MAP1B: variants seen among roughly 807,000 people sequenced by gnomAD.
MAP1B encodes the protein microtubule-associated protein 1B.
In MAP1B, 12 loss-of-function variants were observed where a neutral mutation model predicts 176.1. The ratio of observed to expected loss-of-function variants is 0.07; its 90% CI spans 0.04 to 0.11. MAP1B has a LOEUF of 0.11. MAP1B is among the 10% of genes least tolerant of loss of function. MAP1B has a pLI of 1.00. For missense variants in MAP1B, 2,523 were observed against 2,990.5 expected (o/e 0.84, Z 3.65); for synonymous variants, 1,044 against 1,135.0 (o/e 0.92, Z 1.61).
chr5:72,112,389 A>G (rs1378998332), intron 1 of MAP1B, among the ~76,000 whole-genome samples: 2 of 152,194 alleles, frequency 1.3e-5, no homozygotes, highest in Middle Eastern at 3.2e-3. Context: ...CAACCCTGCA[A>G]AATGCTTACA....
chr5:72,166,729 A>C (rs1300787874), intron 2 of MAP1B, among the ~76,000 whole-genome samples: 2 of 152,202 alleles, frequency 1.3e-5, no homozygotes, highest in African/African-American at 4.8e-5. Flanking sequence ...AGGGAAATGC[A>C]AGCCCCAGGC....
intron 2 of MAP1B, among the ~76,000 whole-genome samples, chr5:72,147,153 G>C (rs1746061508): frequency 6.6e-6 from 1 of 151,976 alleles, no homozygotes; most frequent in South Asian, 2.1e-4. Flanking sequence ...ATTTTTAGTA[G>C]AGACAAGGTT....
rs1323922197 is a variant in MAP1B, at chr5:72,198,662, A to T, written c.5307A>T (p.Lys1769Asn). The part of the protein sequence containing the change: ...MSLYASLTSE[K>N]VQSLEGEKLS... ...TATATGCCTCACTCACCTCTGAAAA[A>T]GTGCAAAGTCTGGAAGGAGAGAAGC... is the stretch of plus-strand genomic sequence containing the variant. The change falls in exon 5 of 7, where the codon AAA becomes AAT. Residue 1769 changes from lysine to asparagine, a missense_variant. This residue lies in a region of MAP1B where 1,925 missense variants were observed against 2,126.0 expected (regional missense o/e 0.91). Transcript: ENST00000296755. 1 of 1,614,164 alleles carries T rather than the reference A, an allele frequency of 6.2e-7. No homozygotes were observed. Among genetic ancestry groups the T allele is most frequent in the Non-Finnish European group, 8.5e-7 (1 of 1,180,034 alleles).
intron 2 of MAP1B, among the ~76,000 whole-genome samples, chr5:72,128,458 G>GA (rs1005183542): frequency 1.3e-5 from 2 of 150,866 alleles, no homozygotes; most frequent in Non-Finnish European, 3.0e-5. Flanking sequence ...AAGAAAGTGT[G>GA]AAAAAAGAGA....
chr5:72,205,349 T>A lies in MAP1B; in HGVS notation c.*110T>A. On this transcript the variant is annotated 3_prime_UTR_variant, in exon 7 of 7. Coordinates refer to ENST00000296755, the MANE Select transcript of MAP1B (RefSeq NM_005909.5). The stretch of plus-strand genomic sequence containing the variant: ...TCATCTAGTTAAGTCGCTGAACAAT[T>A]ACCTGCCAAATGCTATACTGTGTCA... 1.8e-6 allele frequency: 2 copies of A among 1,101,928 alleles called. No homozygotes were observed. Among genetic ancestry groups the A allele is most frequent in the Non-Finnish European group, 2.6e-6 (2 of 760,242 alleles). The allele number at this position is 1,101,928 out of a possible 1,614,324, so 68.3% of individuals were successfully genotyped here.
intron 2 of MAP1B, among the ~76,000 whole-genome samples, chr5:72,123,878 G>GC (rs1745575373): frequency 6.6e-6 from 1 of 152,100 alleles, no homozygotes; most frequent in African/African-American, 2.4e-5. Context: ...CGATCCTCCT[G>GC]CCCCCACTTC....
At chr5:72,193,182 C>A in intron 4 of MAP1B, 2 of 331,470 alleles carry the variant, frequency 6.0e-6, no homozygotes, top group Non-Finnish European at 1.2e-5. Context: ...GCACTGATGC[C>A]AGAAACCAGT....
intron 2 of MAP1B, among the ~76,000 whole-genome samples, chr5:72,156,657 CT>C (rs1561300770): frequency 6.6e-6 from 1 of 152,186 alleles, no homozygotes; most frequent in African/African-American, 2.4e-5. Context: ...CAGAGCAACC[CT>C]GAGATAAGAA....
In MAP1B at chr5:72,197,422, C is replaced by T. The variant is rs1355620125; in HGVS notation, c.4067C>T (p.Pro1356Leu). ...SHLPTEVIEK[P>L]PAVPVSFEFS... The stretch of plus-strand genomic sequence containing the variant: ...CTCCCTACAGAAGTCATTGAAAAAC[C>T]ACCAGCAGTTCCAGTGAGTTTTGAA... Residue 1356 changes from proline to leucine, a missense_variant, in exon 5 of 7, where the codon CCA (proline) becomes CTA (leucine). Pro to Leu is a moderately conservative substitution (Grantham distance 98, BLOSUM62 -3). Around this residue, in one of 4 missense-constraint regions of MAP1B, gnomAD observed 1,925 missense variants for 2,126.0 expected, o/e 0.91. Coordinates refer to ENST00000296755, the MANE Select transcript of MAP1B (RefSeq NM_005909.5). 6 of 1,614,154 alleles carry T rather than the reference C, an allele frequency of 3.7e-6. No individual in the cohort carries two copies. The highest frequency in any genetic ancestry group is 4.2e-6 in the Non-Finnish European group (5 of 1,180,028).
rs560267156 is a variant in MAP1B, at chr5:72,206,791, A to G, written c.*1552A>G. The G allele has an allele frequency of 6.6e-6, 1 of 152,236 alleles. No individual in the cohort carries two copies. The highest frequency in any genetic ancestry group is 1.9e-4 in the East Asian group (1 of 5,184). The allele number at this position is 152,236 out of a possible 1,614,324, so 9.4% of individuals were successfully genotyped here. ...GTCTGATATTGCAGTAATGATATTT[A>G]TTAAAAACCCATAACTACCAGGAAT... On this transcript the variant is annotated 3_prime_UTR_variant, in exon 7 of 7. Transcript: ENST00000296755.
intron 2 of MAP1B, chr5:72,180,004 G>T: frequency 1.1e-6 from 1 of 874,410 alleles, no homozygotes; most frequent in Non-Finnish European, 1.4e-6. Context: ...GCTCCTGCCA[G>T]GGGCCACCTC....
At position 72,194,348 on chromosome 5, in the gene MAP1B, C is replaced by G; in HGVS notation, c.993C>G (p.Leu331=). 1 of 1,614,082 alleles carries G rather than the reference C, an allele frequency of 6.2e-7. No individual in the cohort carries two copies. The highest frequency in any genetic ancestry group is 8.5e-7 in the Non-Finnish European group (1 of 1,180,030). ...TGTTACAGCGGAAAATTGCAGAGCT[C>G]GAGGAAGAACAGTCCCAGGGCTCCA... ...NSMLQRKIAE[L]EEEQSQGSTT... The change falls in exon 5 of 7, where the codon CTC becomes CTG. Residue 331 remains leucine, a synonymous_variant. Transcript: ENST00000296755. The surrounding 1 kb of genome is among the most constrained non-coding windows in gnomAD (Gnocchi z 7.2).
chr5:72,164,767 A>G (rs1199544572), intron 2 of MAP1B, among the ~76,000 whole-genome samples: 3 of 152,192 alleles, frequency 2.0e-5, no homozygotes, highest in Non-Finnish European at 4.4e-5. Context: ...GGTCTTAAAC[A>G]GAAGAGCTCT....
intron 2 of MAP1B, among the ~76,000 whole-genome samples, chr5:72,121,701 T>G (rs910775920): frequency 6.6e-6 from 1 of 152,242 alleles, no homozygotes; most frequent in Non-Finnish European, 1.5e-5. Flanking sequence ...AGAAAAGGTC[T>G]AAGAATATTT....
intron 2 of MAP1B, among the ~76,000 whole-genome samples, chr5:72,166,079 A>C (rs1746422423): frequency 6.6e-6 from 1 of 152,194 alleles, no homozygotes; most frequent in African/African-American, 2.4e-5. Context: ...ACTTAAACCC[A>C]GGTCTTCTGG....
intron 4 of MAP1B, among the ~76,000 whole-genome samples, chr5:72,187,041 G>C (rs1453747331): frequency 2.6e-5 from 4 of 152,206 alleles, no homozygotes; most frequent in African/African-American, 9.7e-5. Flanking sequence ...GGAGAAACTT[G>C]AAATGTCAGA....
chr5:72,187,321 T>C lies in MAP1B; in HGVS notation c.510+567T>C, dbSNP rs1746929279. 2.0e-5 allele frequency among the ~76,000 whole-genome samples: 3 copies of C among 152,238 alleles called. No individual in the cohort carries two copies. The South Asian group carries it at 6.2e-4, about 31-fold the overall frequency. On this transcript the variant is annotated intron_variant, in intron 4 of 6. Coordinates refer to ENST00000296755, the MANE Select transcript of MAP1B (RefSeq NM_005909.5). ...GAAGCTGGATCATTCATATTTCTAA[T>C]GCGTATCTTATTCAAAGATGACACA...
In MAP1B at chr5:72,178,725, G is replaced by GGGGT. The variant is rs761860242; in HGVS notation, c.287-5017_287-5016insGGTG. Among the ~76,000 whole-genome samples, 87 of 140,506 alleles carry GGGGT rather than the reference G, an allele frequency of 6.2e-4. 1 individual carries two copies. In the East Asian group the frequency reaches 7.9e-3, roughly 13 times the overall value. The allele number at this position is 140,506 out of a possible 152,430, so 92.2% of individuals were successfully genotyped here. On this transcript the variant is annotated intron_variant, in intron 2 of 6. Coordinates refer to ENST00000296755, the MANE Select transcript of MAP1B (RefSeq NM_005909.5). Reference sequence around the variant, plus strand: ...CAAAACCAGGGTGAAGCCTCTGAGGGGTGTGTGTGTGTGTGTGTGTGTGTG... The same window carrying GGGGT: ...CAAAACCAGGGTGAAGCCTCTGAGGGGGGTGTGTGTGTGTGTGTGTGTGTGTGTG...
At chr5:72,175,850 C>G (rs975469417) in intron 2 of MAP1B, among the ~76,000 whole-genome samples, 2 of 152,146 alleles carry the variant, frequency 1.3e-5, no homozygotes, top group African/African-American at 4.8e-5. Context: ...TAACTAAATT[C>G]CCTGTAACAC....
Sources: gnomAD v4.1 joint callset for allele counts (sites outside exome capture counted in the v4.1 genomes callset) on GRCh38, gnomAD v4.1.1 for gene constraint, gnomAD v4.1.1 regional missense constraint, Gnocchi (gnomAD v3.1) non-coding constraint, MANE v1.5 for transcripts, NCBI Gene and HGNC (gene_info 2026-07-23, HGNC 2026-07-21) for gene names.